The following CDKAL1 variants were observed in gnomAD, a reference collection of about 807,000 sequenced individuals.
CDKAL1 encodes threonylcarbamoyladenosine tRNA methylthiotransferase.
Under a neutral mutation model 68.2 loss-of-function variants are expected in CDKAL1, and 32 were observed. The observed-to-expected ratio is 0.47, with a 90% CI of 0.35 to 0.63. The LOEUF (loss-of-function observed/expected upper bound fraction) is 0.63, where lower values mean the gene tolerates loss of function less well. Ranked by LOEUF, CDKAL1 falls within the 30% of genes least tolerant of loss-of-function variation. CDKAL1 has a pLI of 0.00. For missense variants in CDKAL1, 606 were observed against 696.7 expected, an observed-to-expected ratio of 0.87 and a Z score of 1.47; for synonymous variants, 234 against 244.3, an observed-to-expected ratio of 0.96 and a Z score of 0.39.
intron 13 of CDKAL1, among the ~76,000 whole-genome samples, chr6:21,111,544 C>CCT (rs1774121219): frequency 2.0e-5 from 3 of 152,182 alleles, no homozygotes; most frequent in Non-Finnish European, 4.4e-5. Context: ...GTTAAACAAA[C>CCT]GTGTTGTTTG....
intron 7 of CDKAL1, among the ~76,000 whole-genome samples, chr6:20,761,149 A>G (rs1173828023): frequency 6.6e-6 from 1 of 152,270 alleles, no homozygotes; most frequent in Non-Finnish European, 1.5e-5. Flanking sequence ...AAATTAGCAT[A>G]TAAAAAGGTG....
chr6:21,145,007 G>T (rs1776098706), intron 13 of CDKAL1, among the ~76,000 whole-genome samples: 1 of 152,116 alleles, frequency 6.6e-6, no homozygotes. Flanking sequence ...GTTCTGCTTT[G>T]CTAGGCTTGA....
At chr6:20,560,665 A>G (rs982007246) in intron 4 of CDKAL1, among the ~76,000 whole-genome samples, 1 of 152,248 alleles carries the variant, frequency 6.6e-6, no homozygotes, top group Non-Finnish European at 1.5e-5. Flanking sequence ...AACAGAATGT[A>G]GTAAACTACT....
At chr6:21,063,559 A>T (rs1364775826) in intron 11 of CDKAL1, among the ~76,000 whole-genome samples, 1 of 152,222 alleles carries the variant, frequency 6.6e-6, no homozygotes, top group African/African-American at 2.4e-5. Flanking sequence ...CGTGAATGAG[A>T]GTAATCAACA....
At chr6:21,003,359 T>TACACACACACACACAC (rs1767539381) in intron 11 of CDKAL1, among the ~76,000 whole-genome samples, 2 of 51,902 alleles carry the variant, frequency 3.9e-5, no homozygotes, top group African/African-American at 2.8e-4. Context: ...TATATATATA[T>TACACACACACACACAC]ATATATATAT....
At chr6:20,737,954 T>C (rs562561910) in intron 5 of CDKAL1, among the ~76,000 whole-genome samples, 1 of 152,358 alleles carries the variant, frequency 6.6e-6, no homozygotes, top group South Asian at 2.1e-4. Flanking sequence ...GCCCAATTTT[T>C]TGTTGGCATC....
At chr6:20,928,260 T>C (rs973175624) in intron 9 of CDKAL1, among the ~76,000 whole-genome samples, 8 of 152,210 alleles carry the variant, frequency 5.3e-5, no homozygotes, top group Admixed American at 2.6e-4. Context: ...TTTAAACTTA[T>C]ATTTTGCAAG....
intron 4 of CDKAL1, among the ~76,000 whole-genome samples, chr6:20,549,114 C>A (rs1763717219): frequency 6.6e-6 from 1 of 152,282 alleles, no homozygotes; most frequent in Middle Eastern, 3.4e-3. Flanking sequence ...TCCCACCTTA[C>A]ATTTAGTTTC....
chr6:20,563,764 T>C (rs2127671180), intron 4 of CDKAL1, among the ~76,000 whole-genome samples: 1 of 152,292 alleles, frequency 6.6e-6, no homozygotes, highest in African/African-American at 2.4e-5. Context: ...ATGTGTATTC[T>C]TCATTTAATA....
chr6:20,641,814 A>ATATG (rs1327480910), intron 4 of CDKAL1, among the ~76,000 whole-genome samples: 1 of 147,732 alleles, frequency 6.8e-6, no homozygotes, highest in Non-Finnish European at 1.5e-5. Flanking sequence ...ACTTATTTAT[A>ATATG]TATGTTTGTG....
rs372922670 is a variant in CDKAL1 at position 21,138,911 on chromosome 6, G to A, written c.1299+30448G>A. The stretch of plus-strand genomic sequence containing the variant: ...CAGCAAGCTTCTCCTTTCTCCTTCT[G>A]TGTGCCCTTCTTGCTGCTTATGGAC... On this transcript the variant is annotated intron_variant, in intron 13 of 15. Transcript: ENST00000274695. Among the ~76,000 whole-genome samples, 127 of 152,288 alleles carry A rather than the reference G, an allele frequency of 8.3e-4. 1 individual carries two copies. The highest frequency in any genetic ancestry group is 3.0e-3 in the African/African-American group (124 of 41,556).
At chr6:21,172,502 C>T (rs1437387793) in intron 13 of CDKAL1, among the ~76,000 whole-genome samples, 3 of 152,190 alleles carry the variant, frequency 2.0e-5, no homozygotes, top group Admixed American at 1.3e-4. Flanking sequence ...GTAATCCCAA[C>T]ACTTTGGGAG....
At chr6:20,611,102 T>A (rs1304063791) in intron 4 of CDKAL1, among the ~76,000 whole-genome samples, 1 of 152,204 alleles carries the variant, frequency 6.6e-6, no homozygotes, top group Non-Finnish European at 1.5e-5. Flanking sequence ...TGCAGGCATC[T>A]TTTGTTTTTC....
intron 6 of CDKAL1, among the ~76,000 whole-genome samples, chr6:20,747,297 A>G (rs1054105992): frequency 2.0e-5 from 3 of 152,182 alleles, no homozygotes; most frequent in Non-Finnish European, 4.4e-5. Flanking sequence ...TGCTGCATTG[A>G]ACTTGAGAGC....
chr6:20,597,090 C>T (rs1279644729), intron 4 of CDKAL1, among the ~76,000 whole-genome samples: 3 of 152,140 alleles, frequency 2.0e-5, no homozygotes, highest in African/African-American at 7.2e-5. Context: ...CCTATTTGGC[C>T]ATCTTGCCAG....
At chr6:21,150,628 T>C (rs1210586950) in intron 13 of CDKAL1, among the ~76,000 whole-genome samples, 1 of 152,222 alleles carries the variant, frequency 6.6e-6, no homozygotes, top group Non-Finnish European at 1.5e-5. Context: ...ACCTTGGGAT[T>C]GATCAGAGGA....
chr6:20,551,663 C>A (rs1763836252), intron 4 of CDKAL1, among the ~76,000 whole-genome samples: 1 of 152,114 alleles, frequency 6.6e-6, no homozygotes, highest in South Asian at 2.1e-4. Context: ...AGCCACCGCG[C>A]CTGGCCTAAA....
At chr6:20,973,228 TATC>T (rs1765678582) in intron 10 of CDKAL1, among the ~76,000 whole-genome samples, 1 of 152,210 alleles carries the variant, frequency 6.6e-6, no homozygotes, top group Non-Finnish European at 1.5e-5. Flanking sequence ...CTATAATTAT[TATC>T]ATTGTTACTA....
chr6:21,010,751 AC>A (rs1767965988), intron 11 of CDKAL1, among the ~76,000 whole-genome samples: 1 of 152,124 alleles, frequency 6.6e-6, no homozygotes, highest in Admixed American at 6.5e-5. Context: ...GGGTAATATA[AC>A]CAATAATTTT....
Sources: gnomAD v4.1 joint callset for allele counts (sites outside exome capture counted in the v4.1 genomes callset) on GRCh38, gnomAD v4.1.1 for gene constraint, MANE v1.5 for transcripts, NCBI Gene and HGNC (gene_info 2026-07-23, HGNC 2026-07-21) for gene names.